The following BCAR1 variants were observed in gnomAD, a reference collection of about 807,000 sequenced individuals.
The protein encoded by BCAR1 is BCAR1 scaffold protein, Cas family member.
A neutral mutation model predicts 67.6 loss-of-function variants in BCAR1; 30 were observed. That is an observed-to-expected ratio of 0.44 (90% CI 0.33 to 0.60). The LOEUF (loss-of-function observed/expected upper bound fraction) is 0.60, where lower values mean the gene tolerates loss of function less well. BCAR1 is among the 20% of genes least tolerant of loss of function. BCAR1 has a pLI of 0.02. For synonymous variants in BCAR1, 626 were observed against 556.7 expected, an observed-to-expected ratio of 1.12 and a Z score of -1.75; for missense variants, 1,313 against 1,222.3, an observed-to-expected ratio of 1.07 and a Z score of -1.11.
At chr16:75,264,546 C>A in intron 1 of BCAR1, 14 of 1,377,358 alleles carry the variant, frequency 1.0e-5, no homozygotes, top group Non-Finnish European at 1.3e-5. Flanking sequence ...ATGCTCTGAA[C>A]CAGAACGGAT....
Position 75,228,927 on chromosome 16 carries a change from C to A in BCAR1, c.*584G>T. 6.6e-6 allele frequency: 1 copy of A among 152,590 alleles called. No homozygotes were observed. Among genetic ancestry groups the A allele is most frequent in the Non-Finnish European group, 1.5e-5 (1 of 68,190 alleles). 9.5% of individuals were successfully genotyped at this position (152,590 alleles called of 1,614,324 possible). ...TTTCTTCTAGAGAGACCCACTCCTC[C>A]TCTGCCCTCCCGGGAGATGCCACGC... On this transcript the variant is annotated 3_prime_UTR_variant, in exon 7 of 7. Coordinates refer to ENST00000162330, the MANE Select transcript of BCAR1 (RefSeq NM_014567.5).
rs758139274 is a variant in BCAR1, at chr16:75,235,993, G to C, written c.913-7C>G. 1 of 1,563,690 alleles carries C rather than the reference G, an allele frequency of 6.4e-7. No homozygotes were observed. Among genetic ancestry groups the C allele is most frequent in the Non-Finnish European group, 8.7e-7 (1 of 1,153,974 alleles). On this transcript the variant is annotated splice_polypyrimidine_tract_variant and splice_region_variant and intron_variant, in intron 4 of 6. Transcript: ENST00000162330. Reference sequence around the variant, plus strand: ...ATGGAGGAACGTCGTAGACCTGGGGGACAAGCGGTGGTCAAGACTGTCCAT... The same window carrying C: ...ATGGAGGAACGTCGTAGACCTGGGGCACAAGCGGTGGTCAAGACTGTCCAT...
intron 2 of BCAR1, among the ~76,000 whole-genome samples, chr16:75,239,355 G>A (rs1024448663): frequency 4.6e-5 from 7 of 152,172 alleles, no homozygotes; most frequent in Admixed American, 2.0e-4. Context: ...AGAAAACACA[G>A]CACAGGCCCA....
At chr16:75,241,850 G>A (rs1351504221) in intron 2 of BCAR1, among the ~76,000 whole-genome samples, 1 of 152,154 alleles carries the variant, frequency 6.6e-6, no homozygotes, top group East Asian at 1.9e-4. Flanking sequence ...AGCGGGCTCA[G>A]GGTCTGGAGG....
upstream of BCAR1, among the ~76,000 whole-genome samples, chr16:75,253,302 G>A (rs1003999192): frequency 6.6e-6 from 1 of 152,226 alleles, no homozygotes; most frequent in Non-Finnish European, 1.5e-5. Flanking sequence ...TCAGGAGCCT[G>A]AGGTCATCCC....
chr16:75,255,095 G>A (rs527552233), upstream of BCAR1, among the ~76,000 whole-genome samples: 6 of 152,328 alleles, frequency 3.9e-5, no homozygotes, highest in Admixed American at 1.3e-4. Context: ...AAACCACAGC[G>A]CCTCAGTAGA....
At chr16:75,236,799 G>A (rs762769092) in intron 4 of BCAR1, 83 bp downstream of exon 4, 3 of 1,512,434 alleles carry the variant, frequency 2.0e-6, no homozygotes, top group Non-Finnish European at 2.7e-6. Context: ...CAGCCCTGCA[G>A]ACACTGGTCA....
chr16:75,265,692 G>C, intron 1 of BCAR1: 5 of 1,025,322 alleles, frequency 4.9e-6, no homozygotes, highest in Non-Finnish European at 6.0e-6. Context: ...GCTCTCCCCC[G>C]GGGCCGAGGA....
chr16:75,249,955 G>A (rs1221459260), intron 1 of BCAR1: 2 of 152,410 alleles, frequency 1.3e-5, no homozygotes, highest in East Asian at 3.9e-4. Context: ...GTACCTCAGT[G>A]TCCCCATCTG....
intron 1 of BCAR1, chr16:75,246,973 G>C (rs1159169501): frequency 2.0e-5 from 3 of 152,284 alleles, no homozygotes; most frequent in African/African-American, 7.2e-5. Flanking sequence ...AAGGCGCAGT[G>C]GAGGCTGCTG....
chr16:75,231,114 TTA>T, intron 6 of BCAR1, among the ~76,000 whole-genome samples: 1 of 151,776 alleles, frequency 6.6e-6, no homozygotes. Context: ...TTTTTTTTTT[TTA>T]AATGGAGTCT....
rs745718620 is a variant in BCAR1 at position 75,229,591 on chromosome 16, C to T, written c.2533G>A (p.Asp845Asn). The T allele has an allele frequency of 3.1e-6, 5 of 1,611,282 alleles. No individual in the cohort carries two copies. In the South Asian group the frequency reaches 5.5e-5, roughly 18 times the overall value. ...AGCTCCTTGACCCTCTCCACCATGT[C>T]CTGGGCCGCGGAAGGCGATGGGTAC... ...LQYPSPSAAQDMVERVKELGH... is the reference protein window; with the variant it reads ...LQYPSPSAAQNMVERVKELGH... The change falls in exon 7 of 7, where the codon GAC becomes AAC. Residue 845 changes from aspartate (D) to asparagine (N), a missense_variant. Coordinates refer to ENST00000162330, the MANE Select transcript of BCAR1 (RefSeq NM_014567.5).
upstream of BCAR1, among the ~76,000 whole-genome samples, chr16:75,254,681 A>G (rs1036397991): frequency 3.3e-5 from 5 of 152,206 alleles, no homozygotes; most frequent in African/African-American, 4.8e-5. Context: ...ACAGCTGCAG[A>G]TATGTGGCCG....
At chr16:75,251,139 G>A (rs2077667726) in intron 1 of BCAR1, among the ~76,000 whole-genome samples, 1 of 152,160 alleles carries the variant, frequency 6.6e-6, no homozygotes, top group African/African-American at 2.4e-5. Context: ...CTCGGAGGCA[G>A]GGCGCAGAGG....
chr16:75,263,936 C>T lies in BCAR1; in HGVS notation c.66+3979G>A, dbSNP rs193011204. 1.9e-5 allele frequency: 21 copies of T among 1,102,370 alleles called. No individual in the cohort carries two copies. The Admixed American group carries it at 5.9e-4, about 31-fold the overall frequency. 68.3% of individuals were successfully genotyped at this position (1,102,370 alleles called of 1,614,324 possible). The stretch of plus-strand genomic sequence containing the variant: ...CCACCTCACACACTGCCCAAGGTCC[C>T]AGGAGAGAGAGCCACGGTGATCTGC... On this transcript the variant is annotated intron_variant, in intron 1 of 6. Coordinates refer to the BCAR1 transcript ENST00000393422.
intron 1 of BCAR1, among the ~76,000 whole-genome samples, chr16:75,244,173 C>T (rs749758795): frequency 6.6e-5 from 10 of 152,234 alleles, no homozygotes; most frequent in African/African-American, 1.9e-4. Flanking sequence ...CTCTGGGCTG[C>T]CCTGCAAGGT....
chr16:75,233,477 G>A (rs2076973660), intron 6 of BCAR1, among the ~76,000 whole-genome samples: 1 of 152,216 alleles, frequency 6.6e-6, no homozygotes, highest in Non-Finnish European at 1.5e-5. Flanking sequence ...CATGGCAGAT[G>A]CTGGGACAGA....
rs1159662412 is a variant in BCAR1 at position 75,230,040 on chromosome 16, G to A, written c.2101-17C>T. 2.0e-6 allele frequency: 3 copies of A among 1,523,400 alleles called. No homozygotes were observed. The highest frequency in any genetic ancestry group is 2.6e-6 in the Non-Finnish European group (3 of 1,134,692). 94.4% of individuals were successfully genotyped at this position (1,523,400 alleles called of 1,614,324 possible). On this transcript the variant is annotated splice_polypyrimidine_tract_variant and intron_variant, in intron 6 of 6. Coordinates refer to ENST00000162330, the MANE Select transcript of BCAR1 (RefSeq NM_014567.5). The stretch of plus-strand genomic sequence containing the variant: ...CTGCTTCAGCTGGGGCAGGAGGGAA[G>A]CAGGAGCAGGGTTAGGCTCTCGGGT...
intron 6 of BCAR1, among the ~76,000 whole-genome samples, chr16:75,233,034 G>A (rs767766676): frequency 6.6e-5 from 10 of 152,050 alleles, no homozygotes; most frequent in Non-Finnish European, 1.0e-4. Flanking sequence ...TTCAAAATAT[G>A]AGGAAAATTC....
Sources: allele counts gnomAD v4.1 joint callset (sites outside exome capture counted in the v4.1 genomes callset), GRCh38; gene constraint gnomAD v4.1.1; transcripts MANE v1.5; gene names NCBI Gene and HGNC (gene_info 2026-07-23, HGNC 2026-07-21).